Variants in GRM7 observed in about 807,000 individuals in gnomAD.
GRM7 encodes glutamate metabotropic receptor 7.
Under a neutral mutation model 84.5 loss-of-function variants are expected in GRM7, and 35 were observed. That is an observed-to-expected ratio of 0.41 (90% CI 0.32 to 0.55). GRM7 has a LOEUF of 0.55. Ranked by LOEUF, GRM7 falls within the 20% of genes least tolerant of loss-of-function variation. The pLI is 0.19. For missense variants in GRM7, 1,003 were observed against 1,194.6 expected, an observed-to-expected ratio of 0.84 and a Z score of 2.36; for synonymous variants, 487 against 455.1, an observed-to-expected ratio of 1.07 and a Z score of -0.89.
chr3:7,482,491 G>A (rs995478360), intron 7 of GRM7, among the ~76,000 whole-genome samples: 4 of 152,192 alleles, frequency 2.6e-5, no homozygotes, highest in African/African-American at 7.2e-5. Context: ...GCAAGTCAAT[G>A]TGAGGTATAT....
At chr3:7,645,324 A>T (rs535338892) in intron 8 of GRM7, among the ~76,000 whole-genome samples, 6 of 151,932 alleles carry the variant, frequency 3.9e-5, no homozygotes, top group Non-Finnish European at 8.8e-5. Flanking sequence ...CAAGGCGGGC[A>T]GACCACAAGG....
At chr3:7,075,262 G>A (rs867183842) in intron 1 of GRM7, among the ~76,000 whole-genome samples, 5 of 152,150 alleles carry the variant, frequency 3.3e-5, no homozygotes, top group African/African-American at 1.2e-4. Context: ...CCTTGGTGCT[G>A]AACACCCAGG....
intron 1 of GRM7, among the ~76,000 whole-genome samples, chr3:6,879,624 A>G (rs1376301392): frequency 6.6e-6 from 1 of 152,330 alleles, no homozygotes; most frequent in East Asian, 1.9e-4. Flanking sequence ...TAGTATCAGG[A>G]CTTCTAAAAG....
At chr3:7,366,841 G>A (rs1210080717) in intron 4 of GRM7, among the ~76,000 whole-genome samples, 2 of 149,348 alleles carry the variant, frequency 1.3e-5, no homozygotes, top group African/African-American at 2.5e-5. Flanking sequence ...GAAAAGGCAT[G>A]GGCCATTGAA....
chr3:7,269,673 C>T (rs1044796962), intron 2 of GRM7, among the ~76,000 whole-genome samples: 1 of 152,212 alleles, frequency 6.6e-6, no homozygotes, highest in African/African-American at 2.4e-5. Context: ...GATTCTGCTC[C>T]TTCTAGTCAT....
chr3:7,041,527 T>C (rs1466932438), intron 1 of GRM7, among the ~76,000 whole-genome samples: 2 of 152,202 alleles, frequency 1.3e-5, no homozygotes, highest in Non-Finnish European at 2.9e-5. Context: ...CTTTCAGCGC[T>C]TGCTGAACAT....
chr3:7,606,590 G>A (rs1181096261), intron 8 of GRM7, among the ~76,000 whole-genome samples: 1 of 152,160 alleles, frequency 6.6e-6, no homozygotes, highest in African/African-American at 2.4e-5. Context: ...GGAGTGTGCA[G>A]TGGCGCAATC....
intron 4 of GRM7, among the ~76,000 whole-genome samples, chr3:7,352,099 A>ACACACACACT (rs1491207613): frequency 1.4e-5 from 2 of 144,670 alleles, no homozygotes; most frequent in East Asian, 4.1e-4. Context: ...ACACACACAC[A>ACACACACACT]CTCATATTCT....
At chr3:7,655,520 T>G (rs1047488519) in intron 8 of GRM7, among the ~76,000 whole-genome samples, 1 of 152,240 alleles carries the variant, frequency 6.6e-6, no homozygotes, top group African/African-American at 2.4e-5. Flanking sequence ...AGGATTGAAG[T>G]TGAGGGTCAC....
At chr3:7,314,330 C>A (rs1700508005) in intron 4 of GRM7, among the ~76,000 whole-genome samples, 1 of 151,338 alleles carries the variant, frequency 6.6e-6, no homozygotes, top group Admixed American at 6.6e-5. Flanking sequence ...TCCCTCCCCC[C>A]TAAAAATTGA....
intron 2 of GRM7, among the ~76,000 whole-genome samples, chr3:7,161,016 C>T (rs899907361): frequency 1.3e-5 from 2 of 152,052 alleles, no homozygotes; most frequent in Non-Finnish European, 2.9e-5. Context: ...TTGTTAACCA[C>T]CATGGGAAAA....
At chr3:7,036,424 A>C (rs1696386846) in intron 1 of GRM7, among the ~76,000 whole-genome samples, 1 of 152,164 alleles carries the variant, frequency 6.6e-6, no homozygotes, top group South Asian at 2.1e-4. Flanking sequence ...AGTAATTTTG[A>C]AAATGGAGAA....
At chr3:7,021,322 C>T (rs1466477787) in intron 1 of GRM7, among the ~76,000 whole-genome samples, 1 of 152,116 alleles carries the variant, frequency 6.6e-6, no homozygotes, top group Non-Finnish European at 1.5e-5. Flanking sequence ...TATACCCTCC[C>T]CTCACCCTGC....
At chr3:7,381,479 C>G (rs759927441) in intron 4 of GRM7, among the ~76,000 whole-genome samples, 6 of 151,996 alleles carry the variant, frequency 3.9e-5, no homozygotes, top group African/African-American at 4.8e-5. Flanking sequence ...ATTGGGGAGG[C>G]AAGCATTAAA....
intron 2 of GRM7, among the ~76,000 whole-genome samples, chr3:7,287,211 A>C (rs893699406): frequency 1.3e-5 from 2 of 152,162 alleles, no homozygotes; most frequent in South Asian, 4.1e-4. Flanking sequence ...AAATCTTTCA[A>C]ACTCTCAGGT....
At chr3:7,570,872 A>G (rs547242266) in intron 7 of GRM7, among the ~76,000 whole-genome samples, 1 of 152,296 alleles carries the variant, frequency 6.6e-6, no homozygotes, top group South Asian at 2.1e-4. Flanking sequence ...GTTTCCATAC[A>G]TCCTCTGAAA....
chr3:7,141,500 T>C (rs1340949347), intron 1 of GRM7, among the ~76,000 whole-genome samples: 1 of 152,022 alleles, frequency 6.6e-6, no homozygotes. Flanking sequence ...ATATTTAAAT[T>C]CTACCCAAAT....
At chr3:6,964,622 C>T (rs1272473972) in intron 1 of GRM7, among the ~76,000 whole-genome samples, 2 of 152,136 alleles carry the variant, frequency 1.3e-5, no homozygotes, top group African/African-American at 4.8e-5. Flanking sequence ...ATCAACAAGT[C>T]TCCCATCTGC....
In GRM7 at chr3:7,229,526, C is replaced by T. The variant is rs574823377; in HGVS notation, c.737-69158C>T. On this transcript the variant is annotated intron_variant, in intron 2 of 9. Coordinates refer to ENST00000357716, the MANE Select transcript of GRM7 (RefSeq NM_000844.4). ...TACCTCTCATCTGTATATGAAGATA[C>T]TAGTGATTTTTCCATTATTTGTTTA... Among the ~76,000 whole-genome samples the T allele has an allele frequency of 2.5e-3, 385 of 151,346 alleles. 1 individual carries two copies. Among genetic ancestry groups the T allele is most frequent in the Non-Finnish European group, 4.5e-3 (305 of 67,864 alleles).
Sources: gnomAD v4.1 joint callset for allele counts (sites outside exome capture counted in the v4.1 genomes callset) on GRCh38, gnomAD v4.1.1 for gene constraint, MANE v1.5 for transcripts, NCBI Gene and HGNC (gene_info 2026-07-23, HGNC 2026-07-21) for gene names.